ZBTB7C: variants seen among roughly 807,000 people sequenced by gnomAD.
ZBTB7C encodes the protein zinc finger and BTB domain-containing protein 7C.
Under a neutral mutation model 25.7 loss-of-function variants are expected in ZBTB7C, and 8 were observed. The observed-to-expected ratio is 0.31, with a 90% CI of 0.18 to 0.56. The LOEUF (loss-of-function observed/expected upper bound fraction) is 0.56, where lower values mean the gene tolerates loss of function less well. Ranked by LOEUF, ZBTB7C falls within the 20% of genes least tolerant of loss-of-function variation. The pLI, the probability that ZBTB7C is intolerant of heterozygous loss-of-function variation, is 0.91. For missense variants in ZBTB7C, 824 were observed against 855.2 expected, an observed-to-expected ratio of 0.96 and a Z score of 0.46; for synonymous variants, 394 against 369.0, an observed-to-expected ratio of 1.07 and a Z score of -0.78.
chr18:48,411,242 T>C (rs2048382178), upstream of ZBTB7C, among the ~76,000 whole-genome samples: 1 of 148,066 alleles, frequency 6.8e-6, no homozygotes, highest in African/African-American at 2.4e-5. Flanking sequence ...GAGATCTGGT[T>C]TTTCCTACTA....
intron 2 of ZBTB7C, among the ~76,000 whole-genome samples, chr18:48,326,877 T>C (rs1158234578): frequency 1.3e-5 from 2 of 152,260 alleles, no homozygotes; most frequent in Admixed American, 1.3e-4. Context: ...TTGATTTTCA[T>C]GTTTTGCCTA....
chr18:48,244,958 G>A (rs2144384571), intron 2 of ZBTB7C, among the ~76,000 whole-genome samples: 1 of 151,806 alleles, frequency 6.6e-6, no homozygotes, highest in Non-Finnish European at 1.5e-5. Flanking sequence ...CTACTCAGAG[G>A]AAAAGAAGTC....
At chr18:48,395,970 C>T (rs73957666) in intron 1 of ZBTB7C, among the ~76,000 whole-genome samples, 5,255 of 152,284 alleles carry the variant, frequency 0.035, 319 homozygotes, top group African/African-American at 0.12. Context: ...GTGGTGGAAT[C>T]TGGTGCATCA....
chr18:48,389,108 G>A (rs1016900021), intron 1 of ZBTB7C, among the ~76,000 whole-genome samples: 2 of 151,784 alleles, frequency 1.3e-5, no homozygotes, highest in South Asian at 2.1e-4. Flanking sequence ...TGGAAGCCTC[G>A]GGCTGTGAGT....
chr18:48,354,213 T>G (rs1463677800), intron 1 of ZBTB7C, among the ~76,000 whole-genome samples: 2 of 152,118 alleles, frequency 1.3e-5, no homozygotes, highest in African/African-American at 4.8e-5. Context: ...GTTTAAGAGA[T>G]GGGGTCTCAC....
At chr18:48,276,022 CGGG>C (rs1485862174) in intron 2 of ZBTB7C, among the ~76,000 whole-genome samples, 1 of 152,068 alleles carries the variant, frequency 6.6e-6, no homozygotes, top group Non-Finnish European at 1.5e-5. Flanking sequence ...GAAAGGCTGA[CGGG>C]ATTTGAGGAC....
intron 3 of ZBTB7C, among the ~76,000 whole-genome samples, chr18:48,067,023 G>A (rs2037355091): frequency 6.6e-6 from 1 of 152,124 alleles, no homozygotes; most frequent in African/African-American, 2.4e-5. Context: ...AATTGCTTGA[G>A]CCCAGGAGGT....
chr18:48,036,643 G>A (rs2035983826), intron 4 of ZBTB7C, among the ~76,000 whole-genome samples: 1 of 152,150 alleles, frequency 6.6e-6, no homozygotes, highest in Non-Finnish European at 1.5e-5. Context: ...AGCATGTCTG[G>A]GTCCTTGCTG....
chr18:48,329,279 G>A (rs1046263297), intron 2 of ZBTB7C, among the ~76,000 whole-genome samples: 13 of 152,162 alleles, frequency 8.5e-5, no homozygotes, highest in African/African-American at 1.7e-4. Context: ...ACTTTACAAC[G>A]CAGAAAGGCT....
At chr18:48,262,003 T>C (rs1427249856) in intron 2 of ZBTB7C, among the ~76,000 whole-genome samples, 1 of 152,106 alleles carries the variant, frequency 6.6e-6, no homozygotes. Flanking sequence ...AAAGGTCCTC[T>C]TCCCTATCCT....
At chr18:48,353,396 TTCC>T (rs1254257278) in intron 1 of ZBTB7C, among the ~76,000 whole-genome samples, 1 of 152,216 alleles carries the variant, frequency 6.6e-6, no homozygotes, top group African/African-American at 2.4e-5. Flanking sequence ...GATTTGTTGA[TTCC>T]TCCTCCTTCT....
intron 1 of ZBTB7C, among the ~76,000 whole-genome samples, chr18:48,360,135 G>T (rs1039990200): frequency 6.6e-6 from 1 of 152,192 alleles, no homozygotes; most frequent in East Asian, 1.9e-4. Flanking sequence ...GATCCCCTGC[G>T]AGAATAACTA....
At chr18:48,082,563 C>T (rs546141580) in intron 3 of ZBTB7C, among the ~76,000 whole-genome samples, 55 of 152,102 alleles carry the variant, frequency 3.6e-4, no homozygotes, top group Middle Eastern at 3.4e-3. Flanking sequence ...TTGCTTGTGT[C>T]GAGGCACAAG....
intron 2 of ZBTB7C, among the ~76,000 whole-genome samples, chr18:48,208,130 C>A (rs540818468): frequency 3.3e-5 from 5 of 152,200 alleles, no homozygotes; most frequent in Admixed American, 6.5e-5. Context: ...TGAGAGCTGG[C>A]CTTGGTGGCC....
At chr18:48,035,508 C>T (rs1336695029) in intron 4 of ZBTB7C, among the ~76,000 whole-genome samples, 1 of 152,202 alleles carries the variant, frequency 6.6e-6, no homozygotes, top group Non-Finnish European at 1.5e-5. Flanking sequence ...CTATGGCCTG[C>T]AATCAAGGAC....
At chr18:48,030,862 T>C (rs1023918789) in intron 4 of ZBTB7C, among the ~76,000 whole-genome samples, 4 of 150,504 alleles carry the variant, frequency 2.7e-5, no homozygotes, top group Non-Finnish European at 5.9e-5. Flanking sequence ...TATCAGGGGG[T>C]TGTTTTCATA....
intron 2 of ZBTB7C, among the ~76,000 whole-genome samples, chr18:48,316,920 C>T (rs560696510): frequency 6.6e-6 from 1 of 152,334 alleles, no homozygotes; most frequent in South Asian, 2.1e-4. Flanking sequence ...GTATCCATCA[C>T]ACATGATTGC....
intron 1 of ZBTB7C, among the ~76,000 whole-genome samples, chr18:48,399,470 G>A (rs1000980885): frequency 2.2e-4 from 33 of 152,322 alleles, no homozygotes; most frequent in Non-Finnish European, 1.3e-4. Context: ...AGCCTGTTGC[G>A]TCACCTGTTA....
intron 2 of ZBTB7C, among the ~76,000 whole-genome samples, chr18:48,297,176 G>T (rs958501470): frequency 2.6e-5 from 4 of 152,142 alleles, no homozygotes; most frequent in Non-Finnish European, 5.9e-5. Flanking sequence ...CACAAAGAGT[G>T]GCTTACTACC....
Sources: gnomAD v4.1 joint callset for allele counts (sites outside exome capture counted in the v4.1 genomes callset) on GRCh38, gnomAD v4.1.1 for gene constraint, MANE v1.5 for transcripts, NCBI Gene and HGNC (gene_info 2026-07-23, HGNC 2026-07-21) for gene names.